The following UNC13C variants were observed in gnomAD, a reference collection of about 807,000 sequenced individuals.
UNC13C encodes the protein protein unc-13 homolog C.
Under a neutral mutation model 245.4 loss-of-function variants are expected in UNC13C, and 174 were observed. That is an observed-to-expected ratio of 0.71 (90% CI 0.63 to 0.80). UNC13C has a LOEUF of 0.80. UNC13C is among the 30% of genes least tolerant of loss of function. The pLI is 0.00. For synonymous variants in UNC13C, 992 were observed against 895.1 expected (o/e 1.11, Z -1.93); for missense variants, 2,829 against 2,602.9 (o/e 1.09, Z -1.89).
intron 19 of UNC13C, among the ~76,000 whole-genome samples, chr15:54,437,231 T>C (rs1008702875): frequency 6.6e-6 from 1 of 151,954 alleles, no homozygotes; most frequent in African/African-American, 2.4e-5. Context: ...AAAGAGGAAA[T>C]ACATGTCCAT....
rs369157731 is a variant in UNC13C, at chr15:54,012,921, C to T, written c.18C>T (p.Phe6=). The change falls in exon 2 of 33, where the codon TTC becomes TTT. Residue 6 remains phenylalanine, a synonymous_variant. Transcript: ENST00000260323. ...TGCTCTCCATGGTGGCTAATTTTTTCAAGAGCTTGATTTTACCTTACATTC... is the reference window on the plus strand; with the variant it reads ...TGCTCTCCATGGTGGCTAATTTTTTTAAGAGCTTGATTTTACCTTACATTC... MVANF[F]KSLILPYIHK... is the part of the protein sequence containing the mutation. The T allele has an allele frequency of 2.1e-4, 328 of 1,596,404 alleles. No homozygotes were observed. Among genetic ancestry groups the T allele is most frequent in the Non-Finnish European group, 2.7e-4 (315 of 1,172,754 alleles).
At chr15:53,951,427 A>T in the UNC13C span, among the ~76,000 whole-genome samples, 1 of 152,244 alleles carries the variant, frequency 6.6e-6, no homozygotes, top group Non-Finnish European at 1.5e-5. Flanking sequence ...TTTGCCAGGG[A>T]CAGATTGGGT....
At chr15:54,581,792 A>G (rs958887202) in intron 30 of UNC13C, among the ~76,000 whole-genome samples, 9 of 152,204 alleles carry the variant, frequency 5.9e-5, no homozygotes, top group African/African-American at 2.2e-4. Context: ...GTCGGGCTCA[A>G]ATATCTCTTT....
At chr15:54,433,434 C>G (rs2140978351) in intron 19 of UNC13C, among the ~76,000 whole-genome samples, 1 of 152,148 alleles carries the variant, frequency 6.6e-6, no homozygotes, top group East Asian at 1.9e-4. Flanking sequence ...TCAACATATG[C>G]AAATCAATGA....
intron 10 of UNC13C, among the ~76,000 whole-genome samples, chr15:54,275,440 C>A (rs2036806830): frequency 6.6e-6 from 1 of 151,838 alleles, no homozygotes; most frequent in Non-Finnish European, 1.5e-5. Flanking sequence ...TTTTTTTCTG[C>A]CCTTTTTTGA....
At chr15:53,879,167 T>TC in the UNC13C span, among the ~76,000 whole-genome samples, 1 of 152,156 alleles carries the variant, frequency 6.6e-6, no homozygotes, top group East Asian at 1.9e-4. Flanking sequence ...ATTCATTGAT[T>TC]CATTTATTTT....
intron 1 of UNC13C, among the ~76,000 whole-genome samples, chr15:54,011,245 G>A (rs1286342815): frequency 2.0e-5 from 3 of 152,090 alleles, no homozygotes; most frequent in Non-Finnish European, 4.4e-5. Flanking sequence ...CATTTGGTGG[G>A]CTTCATTTCG....
At chr15:53,872,143 G>A in the UNC13C span, among the ~76,000 whole-genome samples, 8 of 152,094 alleles carry the variant, frequency 5.3e-5, no homozygotes, top group Admixed American at 2.6e-4. Flanking sequence ...CTTCCTTACC[G>A]CCTTTGTTTC....
chr15:54,084,041 C>T (rs982448305), intron 2 of UNC13C, among the ~76,000 whole-genome samples: 4 of 152,224 alleles, frequency 2.6e-5, no homozygotes, highest in African/African-American at 9.6e-5. Flanking sequence ...GTTTGGCAGG[C>T]AGCAGATTGC....
rs539222902 is a variant in UNC13C at position 54,495,776 on chromosome 15, C to T, written c.5060+1042C>T. 1.8e-4 allele frequency among the ~76,000 whole-genome samples: 27 copies of T among 151,922 alleles called. 1 individual carries two copies. Among genetic ancestry groups the T allele is most frequent in the African/African-American group, 5.5e-4 (23 of 41,478 alleles). ...CAGGCATTGTGGGAGTTGGAAGAGA[C>T]AAGGAATGGGGGGCAGAGAAGAGAT... On this transcript the variant is annotated intron_variant, in intron 20 of 32. Transcript: ENST00000260323.
chr15:53,839,066 C>T, the UNC13C span, among the ~76,000 whole-genome samples: 43,216 of 151,832 alleles, frequency 0.28, 7,267 homozygotes, highest in Non-Finnish European at 0.37. Context: ...TTCCAAATAT[C>T]GTATATATGT....
Position 54,015,029 on chromosome 15 carries a change from C to T in UNC13C, c.2126C>T (p.Ser709Leu). The T allele has an allele frequency of 6.2e-7, 1 of 1,613,232 alleles. No homozygotes were observed. Among genetic ancestry groups the T allele is most frequent in the South Asian group, 1.1e-5 (1 of 90,994 alleles). The change falls in exon 2 of 33, where the codon TCA becomes TTA. Residue 709 changes from serine (S) to leucine (L), a missense_variant. By Grantham distance (145) the Ser-to-Leu change is moderately radical. Coordinates refer to ENST00000260323, the MANE Select transcript of UNC13C (RefSeq NM_001080534.3). ...GKCHSDLQDD[S>L]ESYDLTQDDN... ...TGCCACAGTGATCTTCAAGATGACTCAGAGAGCTACGACTTAACTCAAGAT... is the reference window on the plus strand; with the variant it reads ...TGCCACAGTGATCTTCAAGATGACTTAGAGAGCTACGACTTAACTCAAGAT...
chr15:54,466,309 A>C (rs560576106), intron 19 of UNC13C, among the ~76,000 whole-genome samples: 37 of 152,122 alleles, frequency 2.4e-4, no homozygotes, highest in African/African-American at 8.9e-4. Context: ...ATGTATTTCA[A>C]AATAACTGCA....
intron 13 of UNC13C, among the ~76,000 whole-genome samples, chr15:54,302,050 C>CT (rs1192220423): frequency 3.9e-5 from 6 of 152,026 alleles, no homozygotes; most frequent in Admixed American, 2.6e-4. Flanking sequence ...TGATGATGAG[C>CT]TTTTTTTTCA....
In UNC13C at chr15:54,293,943, A is replaced by G. The variant is rs2037365950; in HGVS notation, c.3867A>G (p.Glu1289=). 2.5e-6 allele frequency: 4 copies of G among 1,589,650 alleles called. No homozygotes were observed. The highest frequency in any genetic ancestry group is 3.4e-6 in the Non-Finnish European group (4 of 1,170,044). Residue 1289 remains glutamate, a synonymous_variant, in exon 11 of 33, where the codon GAA becomes GAG. Transcript: ENST00000260323. The part of the protein sequence containing the change: ...TDRIKVRVWD[E]DDDIKSRVKQ... ...GAATCAAAGTCAGAGTATGGGATGAAGATGATGATATTAAATCCAGAGTCA... is the reference window on the plus strand; with the variant it reads ...GAATCAAAGTCAGAGTATGGGATGAGGATGATGATATTAAATCCAGAGTCA...
chr15:54,504,695 T>C (rs1008688507), intron 22 of UNC13C, among the ~76,000 whole-genome samples: 4 of 152,150 alleles, frequency 2.6e-5, no homozygotes, highest in Non-Finnish European at 5.9e-5. Flanking sequence ...AATATGACAG[T>C]TTTCTTGTCT....
chr15:54,120,042 A>G (rs1224652737), intron 2 of UNC13C, among the ~76,000 whole-genome samples: 2 of 152,228 alleles, frequency 1.3e-5, no homozygotes, highest in African/African-American at 4.8e-5. Flanking sequence ...GTGCTTATGC[A>G]GAAGCTGCTG....
At chr15:54,558,462 T>C (rs1897174328) in intron 29 of UNC13C, among the ~76,000 whole-genome samples, 1 of 152,040 alleles carries the variant, frequency 6.6e-6, no homozygotes, top group African/African-American at 2.4e-5. Context: ...CTAAAAGGGA[T>C]ACTTCTTCAA....
chr15:53,878,817 A>G, the UNC13C span, among the ~76,000 whole-genome samples: 2 of 152,192 alleles, frequency 1.3e-5, no homozygotes, highest in Non-Finnish European at 1.5e-5. Context: ...ATTTACTACT[A>G]CAGGTCTTTG....
Sources: allele counts gnomAD v4.1 joint callset (sites outside exome capture counted in the v4.1 genomes callset), GRCh38; gene constraint gnomAD v4.1.1; transcripts MANE v1.5; gene names NCBI Gene and HGNC (gene_info 2026-07-23, HGNC 2026-07-21).